KIF26B: variants seen among roughly 807,000 people sequenced by gnomAD.
The protein encoded by KIF26B is kinesin-like protein KIF26B.
In KIF26B, 63 loss-of-function variants were observed where a neutral mutation model predicts 151.2. The observed-to-expected ratio is 0.42, with a 90% confidence interval of 0.34 to 0.51. The LOEUF is 0.51. KIF26B is among the 20% of genes least tolerant of loss of function. The pLI, the probability that KIF26B is intolerant of heterozygous loss-of-function variation, is 0.07. For missense variants in KIF26B, 2,813 were observed against 2,913.6 expected (o/e 0.97, Z 0.79); for synonymous variants, 1,357 against 1,262.1 (o/e 1.08, Z -1.59).
intron 10 of KIF26B, among the ~76,000 whole-genome samples, chr1:245,663,751 C>T (rs2044182898): frequency 6.6e-6 from 1 of 152,052 alleles, no homozygotes; most frequent in African/African-American, 2.4e-5. Flanking sequence ...GTAATTCAGA[C>T]CAGGGTTCGC....
At chr1:245,680,887 A>G (rs955763304) in intron 10 of KIF26B, among the ~76,000 whole-genome samples, 6 of 151,880 alleles carry the variant, frequency 4.0e-5, no homozygotes, top group African/African-American at 9.7e-5. Flanking sequence ...TATCGTGCAC[A>G]TGTGTCCTTT....
At chr1:245,577,224 A>G (rs1024219676) in intron 5 of KIF26B, among the ~76,000 whole-genome samples, 4 of 152,126 alleles carry the variant, frequency 2.6e-5, no homozygotes, top group Non-Finnish European at 5.9e-5. Flanking sequence ...TCGTAGGGGG[A>G]TGCCTGGTGC....
At chr1:245,417,104 T>G (rs1069219) in intron 3 of KIF26B, among the ~76,000 whole-genome samples, 1 of 151,756 alleles carries the variant, frequency 6.6e-6, no homozygotes, top group Non-Finnish European at 1.5e-5. Context: ...TGGCTGTGTC[T>G]GAAAAATGGA....
chr1:245,644,435 A>G (rs1029809337), intron 9 of KIF26B, among the ~76,000 whole-genome samples: 2 of 152,210 alleles, frequency 1.3e-5, no homozygotes, highest in Non-Finnish European at 2.9e-5. Context: ...GCTTCTGTCA[A>G]TTCTAACATC....
intron 2 of KIF26B, among the ~76,000 whole-genome samples, chr1:245,312,988 G>A (rs1286303849): frequency 2.6e-5 from 4 of 151,894 alleles, no homozygotes; most frequent in East Asian, 1.9e-4. Flanking sequence ...GGTGAGACCC[G>A]TCTCTACTAA....
At chr1:245,508,391 C>A (rs1572097333) in intron 4 of KIF26B, among the ~76,000 whole-genome samples, 3 of 152,300 alleles carry the variant, frequency 2.0e-5, no homozygotes, top group Middle Eastern at 6.8e-3. Context: ...CTGGCGCCCG[C>A]CACCACGCCC....
chr1:245,280,768 C>T (rs1671033210), intron 2 of KIF26B, among the ~76,000 whole-genome samples: 2 of 118,436 alleles, frequency 1.7e-5, no homozygotes, highest in African/African-American at 3.4e-5. Context: ...CCCTACCCCA[C>T]AACAGTCCCC....
intron 2 of KIF26B, among the ~76,000 whole-genome samples, chr1:245,188,735 C>T (rs892937965): frequency 6.6e-6 from 1 of 152,164 alleles, no homozygotes; most frequent in Non-Finnish European, 1.5e-5. Flanking sequence ...GAATTGAAAG[C>T]AGGGACTCAA....
At chr1:245,659,280 C>A (rs752018450) in intron 10 of KIF26B, among the ~76,000 whole-genome samples, 6 of 152,056 alleles carry the variant, frequency 3.9e-5, no homozygotes, top group African/African-American at 7.2e-5. Context: ...AGCTTCCTTA[C>A]GATTTTGCAC....
At chr1:245,229,336 G>T (rs79233053) in intron 2 of KIF26B, among the ~76,000 whole-genome samples, 3 of 152,080 alleles carry the variant, frequency 2.0e-5, no homozygotes, top group South Asian at 2.1e-4. Context: ...GTATTTTTAG[G>T]GGGGTTGCAA....
In KIF26B at chr1:245,564,362, G is replaced by A. The variant is rs1017786402; in HGVS notation, c.1350+23412G>A. Among the ~76,000 whole-genome samples the A allele has an allele frequency of 6.6e-6, 1 of 152,122 alleles. No homozygotes were observed. The highest frequency in any genetic ancestry group is 2.4e-5 in the African/African-American group (1 of 41,426). ...TGTTCTGGACTCTCTTCTACGACAC[G>A]GAGACCTTTCCCGGAGCAGGAACGG... On this transcript the variant is annotated intron_variant, in intron 5 of 14. Transcript: ENST00000407071. This position sits in a 1 kb window ranked among gnomAD's most constrained non-coding sequence, Gnocchi z 4.6.
In KIF26B at chr1:245,707,080, C is replaced by T. The variant is rs913779701; in HGVS notation, c.*4474C>T. The T allele has an allele frequency of 3.9e-5, 6 of 152,080 alleles. No homozygotes were observed. The highest frequency in any genetic ancestry group is 3.2e-3 in the Middle Eastern group (1 of 316). The allele number at this position is 152,080 out of a possible 1,614,324, so 9.4% of individuals were successfully genotyped here. On this transcript the variant is annotated 3_prime_UTR_variant, in exon 15 of 15. Coordinates refer to ENST00000407071, the MANE Select transcript of KIF26B (RefSeq NM_018012.4). ...TCATAATGCAAGCGTAATTCTAATC[C>T]GGGAGAAGATACTGTCATTTAAGCT...
Position 245,218,214 on chromosome 1 carries a change from C to A in KIF26B, c.465+61531C>A, listed in dbSNP as rs1420395855. Among the ~76,000 whole-genome samples, 1 of 152,188 alleles carries A rather than the reference C, an allele frequency of 6.6e-6. No homozygotes were observed. Among genetic ancestry groups the A allele is most frequent in the Non-Finnish European group, 1.5e-5 (1 of 68,028 alleles). ...AGCTTTCATGTCACCAGAGCAGTGA[C>A]ATTCGGGCCCTCGGGGGCAGACTGT... On this transcript the variant is annotated intron_variant, in intron 2 of 14. Transcript: ENST00000407071. The surrounding 1 kb of genome is among the most constrained non-coding windows in gnomAD (Gnocchi z 4.1).
In KIF26B at chr1:245,685,520, C is replaced by G; in HGVS notation, c.2537C>G (p.Ala846Gly). 1 of 1,613,760 alleles carries G rather than the reference C, an allele frequency of 6.2e-7. No homozygotes were observed. Among genetic ancestry groups the G allele is most frequent in the Non-Finnish European group, 8.5e-7 (1 of 1,179,794 alleles). ...ACGGTGGACCCTGACTTCCCCATCGCTCACCTGTCCAGCGACCCCGACTAC... is the reference window on the plus strand; with the variant it reads ...ACGGTGGACCCTGACTTCCCCATCGGTCACCTGTCCAGCGACCCCGACTAC... ...RATVDPDFPI[A>G]HLSSDPDYSS... Residue 846 changes from alanine (A) to glycine (G), a missense_variant, in exon 12 of 15, where the codon GCT becomes GGT. This residue lies in a region of KIF26B where 2,060 missense variants were observed against 2,088.6 expected (regional missense o/e 0.99). Coordinates refer to ENST00000407071, the MANE Select transcript of KIF26B (RefSeq NM_018012.4).
chr1:245,409,446 A>G (rs1001817917), intron 3 of KIF26B, among the ~76,000 whole-genome samples: 1 of 152,220 alleles, frequency 6.6e-6, no homozygotes, highest in Non-Finnish European at 1.5e-5. Context: ...ATCCTGAAAC[A>G]TGAGCAGCCT....
Position 245,464,656 on chromosome 1 carries a change from G to A in KIF26B, c.1166+44911G>A, listed in dbSNP as rs1014090084. On this transcript the variant is annotated intron_variant, in intron 4 of 14. Transcript: ENST00000407071. ...TTTGGCACCGTGTGTGTGGGTGTGC[G>A]TGTGTGTGTGTGGGTGTGTGCATGT... 3.3e-5 allele frequency among the ~76,000 whole-genome samples: 5 copies of A among 149,376 alleles called. No individual in the cohort carries two copies. The South Asian group carries it at 6.4e-4, about 19-fold the overall frequency.
Position 245,702,917 on chromosome 1 carries a change from C to T in KIF26B, c.*311C>T, listed in dbSNP as rs2044791818. 5 of 296,946 alleles carry T rather than the reference C, an allele frequency of 1.7e-5. No homozygotes were observed. In the East Asian group the frequency reaches 2.3e-4, roughly 13 times the overall value. 18.4% of individuals were successfully genotyped at this position (296,946 alleles called of 1,614,324 possible). ...ACATAAGAACTGCTAGCAAAAGAGA[C>T]CTCACTCTTCTCTTGCTTTCGTGAG... is the stretch of plus-strand genomic sequence containing the variant. On this transcript the variant is annotated 3_prime_UTR_variant, in exon 15 of 15. Transcript: ENST00000407071. This position sits in a 1 kb window ranked among gnomAD's most constrained non-coding sequence, Gnocchi z 4.1.
intron 4 of KIF26B, among the ~76,000 whole-genome samples, chr1:245,520,015 A>T (rs572531845): frequency 6.6e-6 from 1 of 152,264 alleles, no homozygotes; most frequent in African/African-American, 2.4e-5. Flanking sequence ...CAAGAATATC[A>T]TTGATTTAAT....
At position 245,306,828 on chromosome 1, in the gene KIF26B, G is replaced by C. The variant is rs557773860; in HGVS notation, c.466-60006G>C. Among the ~76,000 whole-genome samples, 71 of 152,114 alleles carry C rather than the reference G, an allele frequency of 4.7e-4. 1 individual carries two copies. Among genetic ancestry groups the C allele is most frequent in the Admixed American group, 1.3e-4 (2 of 15,284 alleles). ...TCTGTCATATGATCTCTATCTGATCGAGAGCTCTTTAAGGCCGGGATGTCG... is the reference window on the plus strand; with the variant it reads ...TCTGTCATATGATCTCTATCTGATCCAGAGCTCTTTAAGGCCGGGATGTCG... On this transcript the variant is annotated intron_variant, in intron 2 of 14. Coordinates refer to ENST00000407071, the MANE Select transcript of KIF26B (RefSeq NM_018012.4).
Sources: gnomAD v4.1 joint callset for allele counts (sites outside exome capture counted in the v4.1 genomes callset) on GRCh38, gnomAD v4.1.1 for gene constraint, gnomAD v4.1.1 regional missense constraint, Gnocchi (gnomAD v3.1) non-coding constraint, MANE v1.5 for transcripts, NCBI Gene and HGNC (gene_info 2026-07-23, HGNC 2026-07-21) for gene names.